Variants in PHF10 observed in about 807,000 individuals in gnomAD.
The protein encoded by PHF10 is BRG1-associated factor 45a.
In PHF10, 51 loss-of-function variants were observed where a neutral mutation model predicts 68.5. The ratio of observed to expected loss-of-function variants is 0.74; its 90% CI spans 0.59 to 0.94. The LOEUF is 0.94. Ranked by LOEUF, PHF10 falls within the 40% of genes least tolerant of loss-of-function variation. PHF10 has a pLI of 0.00. For missense variants in PHF10, 460 were observed against 602.6 expected, an observed-to-expected ratio of 0.76 and a Z score of 2.48; for synonymous variants, 204 against 203.5, an observed-to-expected ratio of 1.00 and a Z score of -0.02.
chr6:169,720,043 G>A (rs1239872173), intron 2 of PHF10, among the ~76,000 whole-genome samples: 1 of 151,880 alleles, frequency 6.6e-6, no homozygotes, highest in Non-Finnish European at 1.5e-5. Flanking sequence ...CTATACAAAT[G>A]GCCAAGCAGA....
intron 9 of PHF10, 61 bp from the exon 10 acceptor site, chr6:169,705,785 G>A (rs1457264784): frequency 3.5e-6 from 3 of 861,502 alleles, no homozygotes; most frequent in Non-Finnish European, 6.0e-6. Flanking sequence ...GGTTTAAAAG[G>A]AATTCTGTTA....
intron 3 of PHF10, among the ~76,000 whole-genome samples, chr6:169,718,560 C>T (rs573041810): frequency 1.3e-5 from 2 of 152,102 alleles, no homozygotes; most frequent in South Asian, 2.1e-4. Flanking sequence ...GTCCCAGATA[C>T]TTAGAAGGCT....
intron 9 of PHF10, chr6:169,709,628 A>C (rs1324635872): frequency 6.6e-6 from 1 of 152,192 alleles, no homozygotes; most frequent in East Asian, 1.9e-4. Context: ...CAAGTTAACA[A>C]GTATGTTTTA....
At chr6:169,717,942 C>A in intron 3 of PHF10, 36 bp from the exon 4 acceptor site, 1 of 1,029,820 alleles carries the variant, frequency 9.7e-7, no homozygotes, top group Admixed American at 2.0e-5. Flanking sequence ...TTAAAAACAG[C>A]AAAACCTTAT....
chr6:169,714,241 G>A (rs758707446), intron 7 of PHF10, among the ~76,000 whole-genome samples: 2 of 152,194 alleles, frequency 1.3e-5, no homozygotes, highest in Non-Finnish European at 2.9e-5. Flanking sequence ...CAATGTGGCT[G>A]GGGCACCCAG....
chr6:169,713,166 A>C (rs953733712), intron 7 of PHF10, among the ~76,000 whole-genome samples: 1 of 152,164 alleles, frequency 6.6e-6, no homozygotes, highest in Non-Finnish European at 1.5e-5. Flanking sequence ...TGCCACCTCC[A>C]TTCTCACCCT....
rs1788897011 is a variant in PHF10, at chr6:169,710,281, A to T, written c.1068T>A (p.Asp356Glu). The part of the protein sequence containing the change: ...SKDKAATPRK[D>E]GPKRSVLSKS... Reference sequence around the variant, plus strand: ...TGGACAGTACAGAACGTTTGGGACCATCTTTTCTTGGAGTGGCAGCTTTGT... The same window carrying T: ...TGGACAGTACAGAACGTTTGGGACCTTCTTTTCTTGGAGTGGCAGCTTTGT... The change falls in exon 9 of 12, where the codon GAT becomes GAA. Residue 356 changes from aspartate (D) to glutamate (E), a missense_variant. Asp to Glu is a conservative substitution (Grantham distance 45). Around this residue, in one of 3 missense-constraint regions of PHF10, gnomAD observed 256 missense variants for 410.5 expected, o/e 0.62. Coordinates refer to ENST00000339209, the MANE Select transcript of PHF10 (RefSeq NM_018288.4). 1 of 1,613,036 alleles carries T rather than the reference A, an allele frequency of 6.2e-7. No individual in the cohort carries two copies. Among genetic ancestry groups the T allele is most frequent in the African/African-American group, 1.3e-5 (1 of 74,868 alleles).
intron 7 of PHF10, among the ~76,000 whole-genome samples, chr6:169,713,666 T>G (rs949908387): frequency 6.6e-6 from 1 of 152,124 alleles, no homozygotes; most frequent in Non-Finnish European, 1.5e-5. Context: ...AAATTTGAAT[T>G]TAAAAAATCT....
At chr6:169,720,819 A>G (rs1789158387) in intron 2 of PHF10, among the ~76,000 whole-genome samples, 186 bp downstream of exon 2, 1 of 152,364 alleles carries the variant, frequency 6.6e-6, no homozygotes, top group Non-Finnish European at 1.5e-5. Context: ...GTATTTTACT[A>G]TCATAAAATT....
intron 7 of PHF10, among the ~76,000 whole-genome samples, chr6:169,714,418 T>C (rs1788996811): frequency 6.6e-6 from 1 of 152,202 alleles, no homozygotes; most frequent in South Asian, 2.1e-4. Flanking sequence ...CCAACAAGCT[T>C]CTGAGCAATA....
chr6:169,723,481 GA>G (rs1239445999), intron 1 of PHF10, among the ~76,000 whole-genome samples: 1 of 152,244 alleles, frequency 6.6e-6, no homozygotes, highest in Admixed American at 6.5e-5. Flanking sequence ...TGCGCGGAAT[GA>G]ACGCTGAGCG....
At chr6:169,714,994 G>A (rs1789012875) in intron 6 of PHF10, 152 bp from the exon 7 acceptor site, 1 of 620,998 alleles carries the variant, frequency 1.6e-6, no homozygotes, top group African/African-American at 1.8e-5. Flanking sequence ...TAAGAGGACA[G>A]TTGGTGCTTT....
intron 7 of PHF10, among the ~76,000 whole-genome samples, chr6:169,714,003 T>G (rs1359570804): frequency 6.6e-6 from 1 of 151,718 alleles, no homozygotes; most frequent in Non-Finnish European, 1.5e-5. Context: ...GTGCCTGCAG[T>G]CCCGCTATTT....
Position 169,718,400 on chromosome 6 carries a change from A to T in PHF10, c.325+388T>A, listed in dbSNP as rs1789101028. 2.0e-5 allele frequency among the ~76,000 whole-genome samples: 3 copies of T among 152,222 alleles called. No individual in the cohort carries two copies. In the South Asian group the frequency reaches 6.2e-4, roughly 32 times the overall value. ...AACACAGCCAGGCGTGGTGGCTCAC[A>T]CCTGTAATCCTAGCAATTCAGGAGG... On this transcript the variant is annotated intron_variant, in intron 3 of 11. Coordinates refer to ENST00000339209, the MANE Select transcript of PHF10 (RefSeq NM_018288.4).
rs759351311 is a variant in PHF10, at chr6:169,714,831, T to C, written c.705A>G (p.Val235=). The C allele has an allele frequency of 2.6e-6, 4 of 1,547,410 alleles. No homozygotes were observed. In the Admixed American group the frequency reaches 5.0e-5, roughly 19 times the overall value. The part of the protein sequence containing the change: ...YFDLQTHVIQ[V]PQGKYKVLPT... ...GCAAAACTTTGTACTTCCCTTGAGG[T>C]ACCTGGATAACCTACGTTAACATAA... Residue 235 remains valine (V), a synonymous_variant, in exon 7 of 12, where the codon GTA becomes GTG. Transcript: ENST00000339209.
At chr6:169,719,393 C>T (rs3807065) in intron 2 of PHF10, 13,705 of 152,992 alleles carry the variant, frequency 0.09, 1,805 homozygotes, top group East Asian at 0.6. Flanking sequence ...TATCATAAAC[C>T]GTAACTGTTT....
At chr6:169,710,972 G>C (rs1251243831) in intron 8 of PHF10, among the ~76,000 whole-genome samples, 1 of 151,984 alleles carries the variant, frequency 6.6e-6, no homozygotes, top group Non-Finnish European at 1.5e-5. Context: ...CTCAGTATCT[G>C]ATCATTTAAT....
At position 169,703,957 on chromosome 6, in the gene PHF10, A is replaced by G. The variant is rs1241424341; in HGVS notation, c.*46T>C. On this transcript the variant is annotated 3_prime_UTR_variant, in exon 12 of 12. Coordinates refer to ENST00000339209, the MANE Select transcript of PHF10 (RefSeq NM_018288.4). ...GAAAATAATGTTGTAAATGGCACCA[A>G]ATATTCCACTTAAATGCATATACAG... The G allele has an allele frequency of 5.0e-6, 7 of 1,397,454 alleles. No homozygotes were observed. Among genetic ancestry groups the G allele is most frequent in the Admixed American group, 5.0e-5 (2 of 40,232 alleles). 86.6% of individuals were successfully genotyped at this position (1,397,454 alleles called of 1,614,324 possible). A position where few individuals can be genotyped will look rare whatever the true frequency, so the allele number is the denominator to read the frequency against.
At chr6:169,721,147 G>C in intron 1 of PHF10, 36 bp from the exon 2 acceptor site, 1 of 1,169,210 alleles carries the variant, frequency 8.6e-7, no homozygotes, top group Non-Finnish European at 1.2e-6. Flanking sequence ...AATAATTAGA[G>C]AAAGAATAAA....
Sources: allele counts gnomAD v4.1 joint callset (sites outside exome capture counted in the v4.1 genomes callset), GRCh38; gene constraint gnomAD v4.1.1; regional missense constraint gnomAD v4.1.1; transcripts MANE v1.5; gene names NCBI Gene and HGNC (gene_info 2026-07-23, HGNC 2026-07-21).